The following LRP1B variants were observed in gnomAD, a reference collection of about 807,000 sequenced individuals.
The protein encoded by LRP1B is low-density lipoprotein receptor-related protein 1B.
LRP1B carries 217 observed loss-of-function variants against 556.6 expected under a neutral mutation model. That is an observed-to-expected ratio of 0.39 (90% confidence interval 0.35 to 0.44). The LOEUF (loss-of-function observed/expected upper bound fraction) is 0.44. Ranked by LOEUF, LRP1B falls within the 20% of genes least tolerant of loss-of-function variation. LRP1B has a pLI of 1.00. For synonymous variants in LRP1B, 2,047 were observed against 1,865.8 expected (o/e 1.10, Z -2.50); for missense variants, 5,053 against 5,620.8 (o/e 0.90, Z 3.23).
intron 13 of LRP1B, among the ~76,000 whole-genome samples, 187 bp from the exon 14 acceptor site, chr2:141,013,932 TGAAGG>T (rs1315801007): frequency 6.6e-6 from 1 of 152,060 alleles, no homozygotes; most frequent in Non-Finnish European, 1.5e-5. Flanking sequence ...GCATGCTATT[TGAAGG>T]AAACCATCTA....
intron 41 of LRP1B, among the ~76,000 whole-genome samples, chr2:140,619,856 A>C (rs1683389761): frequency 6.6e-6 from 1 of 152,204 alleles, no homozygotes; most frequent in African/African-American, 2.4e-5. Context: ...ATAAGTAAAA[A>C]TGAGAAAGAT....
intron 1 of LRP1B, among the ~76,000 whole-genome samples, chr2:141,980,054 G>C (rs1702000298): frequency 6.6e-6 from 1 of 152,026 alleles, no homozygotes; most frequent in South Asian, 2.1e-4. Context: ...CCAAATCATT[G>C]AATATCCTAA....
chr2:141,624,230 T>G (rs940564312), intron 2 of LRP1B, among the ~76,000 whole-genome samples: 2 of 152,008 alleles, frequency 1.3e-5, no homozygotes, highest in African/African-American at 4.8e-5. Flanking sequence ...AACAAAATTT[T>G]TATTGCAAGC....
intron 1 of LRP1B, among the ~76,000 whole-genome samples, chr2:142,047,096 T>C (rs1704285945): frequency 6.6e-6 from 1 of 151,966 alleles, no homozygotes; most frequent in Admixed American, 6.6e-5. Flanking sequence ...ATGGATCCTT[T>C]TTGGTGTAAA....
At chr2:141,911,790 C>T (rs1313832405) in intron 1 of LRP1B, among the ~76,000 whole-genome samples, 1 of 152,062 alleles carries the variant, frequency 6.6e-6, no homozygotes, top group Non-Finnish European at 1.5e-5. Flanking sequence ...GCCCTGGTGC[C>T]TTAAGTCTCT....
At chr2:141,422,944 G>C (rs571162739) in intron 3 of LRP1B, among the ~76,000 whole-genome samples, 1 of 152,100 alleles carries the variant, frequency 6.6e-6, no homozygotes, top group African/African-American at 2.4e-5. Context: ...CTTGATAATT[G>C]AATTAAATCT....
At chr2:141,962,788 G>A (rs1701438845) in intron 1 of LRP1B, among the ~76,000 whole-genome samples, 1 of 151,732 alleles carries the variant, frequency 6.6e-6, no homozygotes, top group African/African-American at 2.4e-5. Flanking sequence ...TATGCTACTT[G>A]GGCATGTGAA....
intron 1 of LRP1B, among the ~76,000 whole-genome samples, chr2:142,084,156 A>G (rs1705824619): frequency 6.6e-6 from 1 of 151,810 alleles, no homozygotes; most frequent in South Asian, 2.1e-4. Flanking sequence ...AAGTTTTTGT[A>G]TTTTTAGTAG....
At chr2:140,489,890 T>C (rs1223466982) in intron 57 of LRP1B, among the ~76,000 whole-genome samples, 1 of 152,046 alleles carries the variant, frequency 6.6e-6, no homozygotes, top group East Asian at 1.9e-4. Flanking sequence ...ATTTAGTAAG[T>C]CAACTATAAT....
intron 35 of LRP1B, among the ~76,000 whole-genome samples, chr2:140,755,444 A>C (rs1688712697): frequency 6.6e-6 from 1 of 152,006 alleles, no homozygotes; most frequent in Non-Finnish European, 1.5e-5. Flanking sequence ...AATCCAGCAA[A>C]ATATTAAACA....
Position 140,442,640 on chromosome 2 carries a change from C to T in LRP1B, c.10295-17G>A, listed in dbSNP as rs2105301377. 3.1e-6 allele frequency: 5 copies of T among 1,610,680 alleles called. No homozygotes were observed. Among genetic ancestry groups the T allele is most frequent in the Non-Finnish European group, 4.2e-6 (5 of 1,178,622 alleles). On this transcript the variant is annotated splice_polypyrimidine_tract_variant and intron_variant, in intron 65 of 90. Transcript: ENST00000389484. ...TGTTTTCAGCTTAGAAAGAAAACTG[C>T]CATTAAAATGTAGCTTTGGAGAACA...
chr2:141,382,282 T>C (rs1689670233), intron 3 of LRP1B, among the ~76,000 whole-genome samples: 2 of 152,198 alleles, frequency 1.3e-5, no homozygotes, highest in Admixed American at 1.3e-4. Flanking sequence ...AGAGGGAAAC[T>C]TGCCCATAAT....
At chr2:140,922,866 A>G in intron 21 of LRP1B, 99 bp downstream of exon 21, 1 of 1,034,560 alleles carries the variant, frequency 9.7e-7, no homozygotes, top group South Asian at 1.7e-5. Context: ...CAAAAATATA[A>G]GATTACTTTT....
At chr2:140,825,570 G>T (rs1691474285) in intron 31 of LRP1B, among the ~76,000 whole-genome samples, 1 of 152,088 alleles carries the variant, frequency 6.6e-6, no homozygotes, top group African/African-American at 2.4e-5. Context: ...AAAGTCCTCT[G>T]TATCATCCAT....
chr2:141,696,104 A>G (rs1691726541), intron 2 of LRP1B, among the ~76,000 whole-genome samples: 1 of 151,940 alleles, frequency 6.6e-6, no homozygotes, highest in African/African-American at 2.4e-5. Context: ...GTTTACTTGC[A>G]AGAGTGTTCT....
intron 2 of LRP1B, among the ~76,000 whole-genome samples, chr2:141,515,949 T>C (rs1038905993): frequency 2.6e-5 from 4 of 152,212 alleles, no homozygotes; most frequent in Admixed American, 6.5e-5. Context: ...AAGACTCATA[T>C]TTGGTAGAAA....
At chr2:142,005,576 CATT>C (rs889867999) in intron 1 of LRP1B, among the ~76,000 whole-genome samples, 1 of 151,878 alleles carries the variant, frequency 6.6e-6, no homozygotes, top group East Asian at 1.9e-4. Flanking sequence ...AGAAAGAATT[CATT>C]ATTAATTATT....
In LRP1B at chr2:140,841,050, C is replaced by T. The variant is rs756168629; in HGVS notation, c.4982G>A (p.Arg1661His). 2.0e-5 allele frequency: 33 copies of T among 1,612,590 alleles called. No homozygotes were observed. Among genetic ancestry groups the T allele is most frequent in the African/African-American group, 2.7e-5 (2 of 74,820 alleles). The stretch of plus-strand genomic sequence containing the variant: ...TTCTGAGCTAATCCAGTATAAATTA[C>T]GTGACACCCAATCCACTGCTAGCCC... The part of the protein sequence containing the change: ...IRGLAVDWVS[R>H]NLYWISSEFD... Residue 1661 changes from arginine to histidine, a missense_variant, in exon 30 of 91, where the codon CGT (arginine) becomes CAT (histidine). Physicochemically the swap from Arg to His is conservative, Grantham distance 29. This residue lies in a region of LRP1B where 3,619 missense variants were observed against 3,931.9 expected (regional missense o/e 0.92). Transcript: ENST00000389484.
At chr2:141,668,277 G>T (rs2105407558) in intron 2 of LRP1B, among the ~76,000 whole-genome samples, 1 of 152,196 alleles carries the variant, frequency 6.6e-6, no homozygotes, top group South Asian at 2.1e-4. Context: ...ACAGGAGACA[G>T]GGAAATACTG....
Sources: gnomAD v4.1 joint callset for allele counts (sites outside exome capture counted in the v4.1 genomes callset) on GRCh38, gnomAD v4.1.1 for gene constraint, gnomAD v4.1.1 regional missense constraint, MANE v1.5 for transcripts, NCBI Gene and HGNC (gene_info 2026-07-23, HGNC 2026-07-21) for gene names.